The following PCDHGA4 variants were observed in gnomAD, a reference collection of about 807,000 sequenced individuals.
The protein encoded by PCDHGA4 is protocadherin gamma-A4.
In PCDHGA4, 38 loss-of-function variants were observed where a neutral mutation model predicts 54.6. The ratio of observed to expected loss-of-function variants is 0.70; its 90% CI spans 0.54 to 0.91. PCDHGA4 has a LOEUF of 0.91. PCDHGA4 is among the 40% of genes least tolerant of loss of function. The pLI is 0.00. For synonymous variants in PCDHGA4, 511 were observed against 512.9 expected (o/e 1.00, Z 0.05); for missense variants, 1,298 against 1,220.9 (o/e 1.06, Z -0.94).
rs537196945 is a variant in PCDHGA4 at position 141,470,749 on chromosome 5, G to A, written c.2515-24058G>A. 3.9e-5 allele frequency among the ~76,000 whole-genome samples: 6 copies of A among 152,260 alleles called. No individual in the cohort carries two copies. The East Asian group carries it at 7.7e-4, about 20-fold the overall frequency. On this transcript the variant is annotated intron_variant, in intron 1 of 3. Coordinates refer to ENST00000571252, the MANE Select transcript of PCDHGA4 (RefSeq NM_018917.4). ...GTCTTGCTCTGTCGCCCTGGCTGGAGTGCAGTGGACTCACTACAGTCTTGA... is the reference window on the plus strand; with the variant it reads ...GTCTTGCTCTGTCGCCCTGGCTGGAATGCAGTGGACTCACTACAGTCTTGA...
chr5:141,468,677 T>A (rs545029270), intron 1 of PCDHGA4: 1 of 150,902 alleles, frequency 6.6e-6, no homozygotes, highest in African/African-American at 2.4e-5. Flanking sequence ...CCATCCTGGC[T>A]AACACGGTGA....
chr5:141,451,597 C>A (rs2098719892), intron 1 of PCDHGA4, among the ~76,000 whole-genome samples: 1 of 152,076 alleles, frequency 6.6e-6, no homozygotes, highest in Admixed American at 6.6e-5. Context: ...AAGTGACATA[C>A]AAGGCTAGGC....
chr5:141,412,215 C>T (rs1265657058), intron 1 of PCDHGA4: 1 of 152,240 alleles, frequency 6.6e-6, no homozygotes, highest in Non-Finnish European at 1.5e-5. Flanking sequence ...GACATAAACA[C>T]TTACTTGTTA....
chr5:141,449,537 C>T (rs1377909573), intron 1 of PCDHGA4, among the ~76,000 whole-genome samples: 1 of 146,330 alleles, frequency 6.8e-6, no homozygotes, highest in Non-Finnish European at 1.5e-5. Flanking sequence ...TGCAGTGAGC[C>T]GAGATCGCAC....
chr5:141,409,491 C>A (rs747701093), intron 1 of PCDHGA4: 1 of 1,613,876 alleles, frequency 6.2e-7, no homozygotes, highest in East Asian at 2.2e-5. Context: ...AGGGGCAAGC[C>A]GCCTCTTTCT....
chr5:141,366,208 G>A (rs1017414789), intron 1 of PCDHGA4: 2 of 1,613,700 alleles, frequency 1.2e-6, no homozygotes, highest in African/African-American at 1.3e-5. Flanking sequence ...CGGGCGAGGT[G>A]CGCACAGCGC....
Position 141,355,593 on chromosome 5 carries a change from C to A in PCDHGA4, c.486C>A (p.Pro162=), listed in dbSNP as rs770322971. ...VEIIDVNDNP[P]SFGTEQREIK... ...TAATCGATGTTAATGATAACCCACC[C>A]AGTTTTGGGACAGAACAGAGGGAAA... is the stretch of plus-strand genomic sequence containing the variant. Residue 162 remains proline (P), a synonymous_variant, in exon 1 of 4, where the codon CCC becomes CCA. Coordinates refer to ENST00000571252, the MANE Select transcript of PCDHGA4 (RefSeq NM_018917.4). 5.0e-6 allele frequency: 8 copies of A among 1,613,990 alleles called. No homozygotes were observed. The highest frequency in any genetic ancestry group is 6.8e-6 in the Non-Finnish European group (8 of 1,179,864).
At chr5:141,509,599 A>G (rs964564148) in intron 3 of PCDHGA4, among the ~76,000 whole-genome samples, 6 of 152,158 alleles carry the variant, frequency 3.9e-5, no homozygotes, top group African/African-American at 1.4e-4. Context: ...CAATTCCGAG[A>G]GGCTGCATTC....
At chr5:141,360,806 G>A (rs569018820) in intron 1 of PCDHGA4, 25 of 1,613,912 alleles carry the variant, frequency 1.5e-5, no homozygotes, top group East Asian at 2.2e-5. Flanking sequence ...CCTCAAAGTG[G>A]CACGACCCAA....
chr5:141,465,385 C>T (rs752724696), intron 1 of PCDHGA4, among the ~76,000 whole-genome samples: 3 of 151,978 alleles, frequency 2.0e-5, no homozygotes, highest in Admixed American at 6.6e-5. Context: ...AGATTAGGAA[C>T]AAAAACAAGT....
chr5:141,420,188 A>G (rs775537913), intron 1 of PCDHGA4: 1 of 1,613,848 alleles, frequency 6.2e-7, no homozygotes, highest in South Asian at 1.1e-5. Context: ...TTGTCCAGCC[A>G]CACAAGATAA....
chr5:141,432,685 C>T lies in PCDHGA4; in HGVS notation c.2515-62122C>T, dbSNP rs1561863583. 1 of 1,613,932 alleles carries T rather than the reference C, an allele frequency of 6.2e-7. No individual in the cohort carries two copies. The highest frequency in any genetic ancestry group is 1.7e-5 in the Admixed American group (1 of 60,020). ...ACAGAGACGCGCTCAAGCAGAGCCT[C>T]GTAGTGGCCGTCCAGGACCACGGCC... On this transcript the variant is annotated intron_variant, in intron 1 of 3. Coordinates refer to ENST00000571252, the MANE Select transcript of PCDHGA4 (RefSeq NM_018917.4). This position sits in a 1 kb window ranked among gnomAD's most constrained non-coding sequence, Gnocchi z 6.0.
chr5:141,461,409 A>ATATGTTTGT (rs1491521215), intron 1 of PCDHGA4, among the ~76,000 whole-genome samples: 2 of 151,810 alleles, frequency 1.3e-5, no homozygotes, highest in Non-Finnish European at 2.9e-5. Context: ...GCATTTTTTC[A>ATATGTTTGT]TATGTTTGTG....
rs1176011355 is a variant in PCDHGA4, at chr5:141,485,491, G to C, written c.2515-9316G>C. Reference sequence around the variant, plus strand: ...TCAGTGCCAGCTGCATCGTGCCCCTGGAGTTTGTCACCGAAGGTCCTTTGG... The same window carrying C: ...TCAGTGCCAGCTGCATCGTGCCCCTCGAGTTTGTCACCGAAGGTCCTTTGG... On this transcript the variant is annotated intron_variant, in intron 1 of 3. Coordinates refer to ENST00000571252, the MANE Select transcript of PCDHGA4 (RefSeq NM_018917.4). This position sits in a 1 kb window ranked among gnomAD's most constrained non-coding sequence, Gnocchi z 5.7. 6.2e-7 allele frequency: 1 copy of C among 1,614,142 alleles called. No homozygotes were observed. The highest frequency in any genetic ancestry group is 1.3e-5 in the African/African-American group (1 of 75,018).
At chr5:141,361,974 G>T (rs775025074) in intron 1 of PCDHGA4, 1 of 1,601,816 alleles carries the variant, frequency 6.2e-7, no homozygotes, top group Non-Finnish European at 8.5e-7. Flanking sequence ...AGGCCAGCGA[G>T]CCCGGGCTCT....
Position 141,505,424 on chromosome 5 carries a change from C to T in PCDHGA4, c.2605C>T (p.Pro869Ser), listed in dbSNP as rs1422538114. The T allele has an allele frequency of 1.2e-6, 2 of 1,614,200 alleles. No individual in the cohort carries two copies. Among genetic ancestry groups the T allele is most frequent in the Non-Finnish European group, 1.7e-6 (2 of 1,180,028 alleles). Residue 869 changes from proline (P) to serine (S), a missense_variant, in exon 3 of 4, where the codon CCC (proline) becomes TCC (serine). Pro to Ser is a moderately conservative substitution (Grantham distance 74). Transcript: ENST00000571252. ...AAATGGCGATGACACCGGCACCTGG[C>T]CCAACAACCAGTTTGACACAGAGAT... is the stretch of plus-strand genomic sequence containing the variant. ...SQNGDDTGTW[P>S]NNQFDTEMLQ...
rs930695301 is a variant in PCDHGA4, at chr5:141,472,874, T to C, written c.2515-21933T>C. On this transcript the variant is annotated intron_variant, in intron 1 of 3. Coordinates refer to ENST00000571252, the MANE Select transcript of PCDHGA4 (RefSeq NM_018917.4). ...GGTGGCACATGCCTGTATTCCCAGC[T>C]ACTCGGGAGGCTGAGGCAGGAGAAT... Among the ~76,000 whole-genome samples, 5 of 150,448 alleles carry C rather than the reference T, an allele frequency of 3.3e-5. No homozygotes were observed. In the Admixed American group the frequency reaches 3.3e-4, roughly 10 times the overall value.
chr5:141,497,840 C>T (rs1326804289), intron 2 of PCDHGA4, among the ~76,000 whole-genome samples: 1 of 152,154 alleles, frequency 6.6e-6, no homozygotes, highest in Non-Finnish European at 1.5e-5. Context: ...CCGGCCACAA[C>T]AAACATTTTT....
intron 3 of PCDHGA4, among the ~76,000 whole-genome samples, chr5:141,507,891 C>A (rs1031803854): frequency 6.6e-6 from 1 of 152,208 alleles, no homozygotes; most frequent in African/African-American, 2.4e-5. Flanking sequence ...AGAGAGGTTC[C>A]TGAAGTCCAG....
Sources: gnomAD v4.1 joint callset for allele counts (sites outside exome capture counted in the v4.1 genomes callset) on GRCh38, gnomAD v4.1.1 for gene constraint, Gnocchi (gnomAD v3.1) non-coding constraint, MANE v1.5 for transcripts, NCBI Gene and HGNC (gene_info 2026-07-23, HGNC 2026-07-21) for gene names.